Variants in NME7 observed in about 807,000 individuals in gnomAD.
NME7 encodes NME/NM23 family member 7.
A neutral mutation model predicts 49.1 loss-of-function variants in NME7; 41 were observed. The ratio of observed to expected loss-of-function variants is 0.83; its 90% CI spans 0.65 to 1.08. The LOEUF is 1.08. Among genes scored for constraint, NME7 ranks in the 50% least tolerant of loss-of-function variants. The probability of loss-of-function intolerance (pLI) is 0.00; values close to 1 mark genes in which losing one functional copy is unlikely to be tolerated. For synonymous variants in NME7, 139 were observed against 150.6 expected, an observed-to-expected ratio of 0.92 and a Z score of 0.56; for missense variants, 423 against 463.4, an observed-to-expected ratio of 0.91 and a Z score of 0.80.
At chr1:169,354,380 G>GT (rs1442037095) in intron 1 of NME7, among the ~76,000 whole-genome samples, 3 of 151,898 alleles carry the variant, frequency 2.0e-5, no homozygotes, top group Non-Finnish European at 2.9e-5. Context: ...GCTGGGAAAG[G>GT]TAGTAGGGGG....
At chr1:169,308,715 G>A (rs766866917) in intron 4 of NME7, among the ~76,000 whole-genome samples, 12 of 151,958 alleles carry the variant, frequency 7.9e-5, no homozygotes, top group Non-Finnish European at 1.5e-4. Flanking sequence ...TTGTTTGTAC[G>A]TTGTTAATAT....
intron 1 of NME7, among the ~76,000 whole-genome samples, chr1:169,336,325 T>C (rs911456614): frequency 6.6e-6 from 1 of 152,122 alleles, no homozygotes; most frequent in African/African-American, 2.4e-5. Context: ...GCTTCCACAG[T>C]GTGGAAGGGG....
Position 169,258,395 on chromosome 1 carries a change from T to TAC in NME7, c.755-20709_755-20708insGT, listed in dbSNP as rs1487056795. 7.9e-5 allele frequency among the ~76,000 whole-genome samples: 6 copies of TAC among 75,824 alleles called. 1 individual carries two copies. The highest frequency in any genetic ancestry group is 2.8e-4 in the African/African-American group (6 of 21,056). 49.7% of individuals were successfully genotyped at this position (75,824 alleles called of 152,430 possible). ...TAAAACATATATATATATATATATATATATATATATACACACACACACACA... is the reference window on the plus strand; with the variant it reads ...TAAAACATATATATATATATATATATACATATATATATACACACACACACACA... On this transcript the variant is annotated intron_variant, in intron 7 of 11. Coordinates refer to ENST00000367811, the MANE Select transcript of NME7 (RefSeq NM_013330.5).
intron 11 of NME7, among the ~76,000 whole-genome samples, chr1:169,135,454 G>T (rs1230256601): frequency 6.6e-6 from 1 of 152,178 alleles, no homozygotes; most frequent in African/African-American, 2.4e-5. Flanking sequence ...ACATTACCTT[G>T]AAAATCTAGG....
chr1:169,358,121 A>T (rs184900919), intron 1 of NME7, among the ~76,000 whole-genome samples: 1 of 152,100 alleles, frequency 6.6e-6, no homozygotes, highest in Non-Finnish European at 1.5e-5. Flanking sequence ...ACAAAATTGC[A>T]TAACACCATT....
intron 1 of NME7, among the ~76,000 whole-genome samples, chr1:169,347,306 A>G (rs1652985104): frequency 1.3e-5 from 2 of 152,232 alleles, no homozygotes; most frequent in Non-Finnish European, 2.9e-5. Context: ...TTCAACTAGA[A>G]TAACAACTAC....
chr1:169,149,094 A>G (rs537038063), intron 11 of NME7, among the ~76,000 whole-genome samples: 8 of 152,334 alleles, frequency 5.3e-5, no homozygotes, highest in African/African-American at 1.9e-4. Context: ...CTGTAATCCT[A>G]CTTTGGGAGG....
chr1:169,337,646 G>C (rs1652532692), intron 1 of NME7, among the ~76,000 whole-genome samples: 1 of 152,164 alleles, frequency 6.6e-6, no homozygotes, highest in Non-Finnish European at 1.5e-5. Flanking sequence ...CCTCTCAATA[G>C]CAGATCATTA....
At chr1:169,309,854 T>C (rs932167358) in intron 4 of NME7, 116 bp downstream of exon 4, 10 of 642,846 alleles carry the variant, frequency 1.6e-5, no homozygotes, top group Non-Finnish European at 2.6e-5. Context: ...GTTACTATTC[T>C]ATTCTTTGTC....
chr1:169,351,668 G>A (rs985924946), intron 1 of NME7, among the ~76,000 whole-genome samples: 1 of 151,600 alleles, frequency 6.6e-6, no homozygotes, highest in Admixed American at 6.6e-5. Context: ...AAACACAATT[G>A]ATAATCCTTT....
intron 1 of NME7, among the ~76,000 whole-genome samples, chr1:169,328,203 G>T (rs1439459487): frequency 6.6e-6 from 1 of 152,138 alleles, no homozygotes. Context: ...TTTTTGGAGG[G>T]GGGGATTATG....
rs953895856 is a variant in NME7 at position 169,271,341 on chromosome 1, C to G, written c.754+15962G>C. 1.5e-5 allele frequency among the ~76,000 whole-genome samples: 2 copies of G among 133,434 alleles called. 1 individual carries two copies. The highest frequency in any genetic ancestry group is 3.5e-5 in the Non-Finnish European group (2 of 56,770). The allele number at this position is 133,434 out of a possible 152,430, so 87.5% of individuals were successfully genotyped here. ...AGGAACTTCCCAAAAATCCATTTACCCCAACAATAGAGTACTCAAACAGTC... is the reference window on the plus strand; with the variant it reads ...AGGAACTTCCCAAAAATCCATTTACGCCAACAATAGAGTACTCAAACAGTC... On this transcript the variant is annotated intron_variant, in intron 7 of 11. Transcript: ENST00000367811.
chr1:169,334,838 G>A (rs571633345), intron 1 of NME7, among the ~76,000 whole-genome samples: 3 of 151,858 alleles, frequency 2.0e-5, no homozygotes, highest in Non-Finnish European at 4.4e-5. Context: ...CTAATATCCA[G>A]AATTTACAAG....
intron 10 of NME7, among the ~76,000 whole-genome samples, chr1:169,194,221 G>A (rs1263549464): frequency 6.6e-6 from 1 of 152,144 alleles, no homozygotes; most frequent in African/African-American, 2.4e-5. Flanking sequence ...TGGGGGCTAA[G>A]GTGGCACACA....
chr1:169,245,080 G>A (rs1046166367), intron 7 of NME7, among the ~76,000 whole-genome samples: 1 of 152,214 alleles, frequency 6.6e-6, no homozygotes, highest in African/African-American at 2.4e-5. Flanking sequence ...AGTGAGCCAA[G>A]ATTATGCCAC....
chr1:169,275,461 A>G (rs1185872002), intron 7 of NME7, among the ~76,000 whole-genome samples: 1 of 104,022 alleles, frequency 9.6e-6, no homozygotes, highest in South Asian at 3.2e-4. Context: ...CCTGGGCGAC[A>G]GAGCGAAACT....
chr1:169,184,835 A>G (rs1378080668), intron 10 of NME7, among the ~76,000 whole-genome samples: 2 of 152,158 alleles, frequency 1.3e-5, no homozygotes, highest in Non-Finnish European at 2.9e-5. Flanking sequence ...AACAATAAAA[A>G]ACAGATTTGT....
At chr1:169,230,876 TTTAA>T (rs1394635178) in intron 9 of NME7, 57 bp from the exon 10 acceptor site, 344 of 1,151,212 alleles carry the variant, frequency 3.0e-4, no homozygotes, top group Non-Finnish European at 4.0e-4. Context: ...ACTCTCCCCT[TTTAA>T]TTGTTTCACT....
chr1:169,243,763 T>A (rs1648187235), intron 7 of NME7, among the ~76,000 whole-genome samples: 1 of 152,186 alleles, frequency 6.6e-6, no homozygotes, highest in African/African-American at 2.4e-5. Flanking sequence ...AAATACATGT[T>A]TGTTGTTTAA....
Sources: allele counts gnomAD v4.1 joint callset (sites outside exome capture counted in the v4.1 genomes callset), GRCh38; gene constraint gnomAD v4.1.1; transcripts MANE v1.5; gene names NCBI Gene and HGNC (gene_info 2026-07-23, HGNC 2026-07-21).